The following BRAF variants were observed in gnomAD, a reference collection of about 807,000 sequenced individuals.
BRAF encodes serine/threonine-protein kinase B-raf.
In BRAF, 16 loss-of-function variants were observed where a neutral mutation model predicts 104.6. The ratio of observed to expected loss-of-function variants is 0.15; its 90% CI spans 0.10 to 0.23. The LOEUF (loss-of-function observed/expected upper bound fraction) is 0.23, where lower values mean the gene tolerates loss of function less well. Ranked by LOEUF, BRAF falls within the 10% of genes least tolerant of loss-of-function variation. BRAF has a pLI of 1.00. For synonymous variants in BRAF, 310 were observed against 341.6 expected, an observed-to-expected ratio of 0.91 and a Z score of 1.02; for missense variants, 541 against 937.3, an observed-to-expected ratio of 0.58 and a Z score of 5.52.
chr7:140,723,837 A>C lies in BRAF; in HGVS notation c.*2657T>G. On this transcript the variant is annotated 3_prime_UTR_variant, in exon 20 of 20. Coordinates refer to ENST00000644969, the MANE Select transcript of BRAF (RefSeq NM_001374258.1). ...AATTACTCATAAAGTGCTTTTCACA[A>C]ATAAGGACTTCTTCCTCGTTTTTTT... 9.6e-7 allele frequency: 1 copy of C among 1,046,376 alleles called. No individual in the cohort carries two copies. Among genetic ancestry groups the C allele is most frequent in the Non-Finnish European group, 1.2e-6 (1 of 867,370 alleles). 64.8% of individuals were successfully genotyped at this position (1,046,376 alleles called of 1,614,324 possible).
chr7:140,852,598 A>G (rs1481735723), intron 1 of BRAF, among the ~76,000 whole-genome samples: 1 of 152,046 alleles, frequency 6.6e-6, no homozygotes, highest in African/African-American at 2.4e-5. Flanking sequence ...CATATCTCCA[A>G]AAAGTGTCAG....
intron 14 of BRAF, among the ~76,000 whole-genome samples, chr7:140,759,029 T>C (rs1798441785): frequency 6.6e-6 from 1 of 152,256 alleles, no homozygotes; most frequent in South Asian, 2.1e-4. Flanking sequence ...ATCACCTGGC[T>C]TCTTTTGCGC....
At chr7:140,871,374 T>C (rs1029634772) in intron 1 of BRAF, among the ~76,000 whole-genome samples, 1 of 151,884 alleles carries the variant, frequency 6.6e-6, no homozygotes, top group Admixed American at 6.6e-5. Flanking sequence ...GACAGAATTA[T>C]AGTAAATTCT....
At chr7:140,901,668 C>T (rs1180674468) in intron 1 of BRAF, among the ~76,000 whole-genome samples, 1 of 152,192 alleles carries the variant, frequency 6.6e-6, no homozygotes, top group Non-Finnish European at 1.5e-5. Context: ...GGTGGTCTGT[C>T]TCTAAATAAG....
chr7:140,829,572 C>G (rs1363779876), intron 3 of BRAF, among the ~76,000 whole-genome samples: 1 of 151,992 alleles, frequency 6.6e-6, no homozygotes, highest in African/African-American at 2.4e-5. Flanking sequence ...TTTTCAGTCC[C>G]TAGATACCCA....
At chr7:140,901,771 C>G (rs1815665376) in intron 1 of BRAF, among the ~76,000 whole-genome samples, 2 of 152,164 alleles carry the variant, frequency 1.3e-5, no homozygotes, top group Non-Finnish European at 2.9e-5. Context: ...TGTCTTCCAT[C>G]CCCTAAAAGC....
Position 140,739,830 on chromosome 7 carries a change from C to A in BRAF, c.2229G>T (p.Glu743Asp). 6.2e-7 allele frequency: 1 copy of A among 1,611,886 alleles called. No individual in the cohort carries two copies. The highest frequency in any genetic ancestry group is 8.5e-7 in the Non-Finnish European group (1 of 1,179,776). Residue 743 changes from glutamate (E) to aspartate (D), a missense_variant, in exon 18 of 20, where the codon GAG becomes GAT. This residue lies in a region of BRAF where 129 missense variants were observed against 285.8 expected (regional missense o/e 0.45). Coordinates refer to ENST00000644969, the MANE Select transcript of BRAF (RefSeq NM_001374258.1). ...MAECLKKKRD[E>D]RPLFPQILAS... ...TACTTACTTGGGGAAAGAGTGGTCT[C>A]TCATCTCTTTTCTTTTTGAGGCACT...
chr7:140,877,258 T>G (rs1329546877), intron 1 of BRAF, among the ~76,000 whole-genome samples: 1 of 142,788 alleles, frequency 7.0e-6, no homozygotes, highest in Non-Finnish European at 1.5e-5. Flanking sequence ...TCATTAAGCT[T>G]GTGCCATTAT....
chr7:140,839,522 G>T (rs537731310), intron 2 of BRAF, among the ~76,000 whole-genome samples: 5 of 152,032 alleles, frequency 3.3e-5, no homozygotes, highest in Admixed American at 6.6e-5. Flanking sequence ...TTGAGCCCAG[G>T]AGTTTGAGGC....
chr7:140,882,700 G>A (rs910485427), intron 1 of BRAF, among the ~76,000 whole-genome samples: 1 of 148,700 alleles, frequency 6.7e-6, no homozygotes, highest in Admixed American at 6.7e-5. Context: ...CTTAAAAAAG[G>A]ACCTATCTTT....
chr7:140,764,357 A>C (rs1586068266), intron 14 of BRAF, among the ~76,000 whole-genome samples: 1 of 151,032 alleles, frequency 6.6e-6, no homozygotes, highest in South Asian at 2.1e-4. Flanking sequence ...AATGGGCAAA[A>C]ACTGGAAGCA....
chr7:140,834,562 G>A (rs763612198), intron 3 of BRAF, 47 bp downstream of exon 3: 1 of 1,608,734 alleles, frequency 6.2e-7, no homozygotes, highest in Non-Finnish European at 8.5e-7. Flanking sequence ...TGATCTGTCT[G>A]AAAAATACAA....
At chr7:140,778,612 G>T (rs926618731) in intron 12 of BRAF, among the ~76,000 whole-genome samples, 25 of 151,698 alleles carry the variant, frequency 1.6e-4, no homozygotes, top group African/African-American at 6.1e-4. Context: ...GTGAGTTAAT[G>T]GGTGCAGCAC....
chr7:140,786,853 C>A (rs1376543756), intron 9 of BRAF, among the ~76,000 whole-genome samples: 2 of 152,088 alleles, frequency 1.3e-5, no homozygotes. Context: ...CAATAGCTTT[C>A]AAGATGGTTA....
Position 140,794,320 on chromosome 7 carries a change from A to G in BRAF, c.1128T>C (p.Pro376=). 1 of 1,614,008 alleles carries G rather than the reference A, an allele frequency of 6.2e-7. No individual in the cohort carries two copies. The highest frequency in any genetic ancestry group is 8.5e-7 in the Non-Finnish European group (1 of 1,179,986). ...GCTGGATACTTACATCAATATTGAC[A>G]GGTTCTATTGTGTTTATATGCACAT... The part of the protein sequence containing the change: ...APNVHINTIE[P]VNIDDLIRDQ... The change falls in exon 8 of 20, where the codon CCT becomes CCC. Residue 376 remains proline, a synonymous_variant. Coordinates refer to ENST00000644969, the MANE Select transcript of BRAF (RefSeq NM_001374258.1).
intron 3 of BRAF, among the ~76,000 whole-genome samples, chr7:140,814,155 A>G (rs1804576235): frequency 6.6e-6 from 1 of 152,206 alleles, no homozygotes; most frequent in Non-Finnish European, 1.5e-5. Context: ...TGTCAGAGCA[A>G]TAATTTTTCT....
intron 14 of BRAF, among the ~76,000 whole-genome samples, chr7:140,766,227 G>C (rs1452844938): frequency 6.6e-6 from 1 of 151,964 alleles, no homozygotes; most frequent in African/African-American, 2.4e-5. Flanking sequence ...ACTCATAGAT[G>C]GGAATTGAAC....
chr7:140,717,024 C>A (rs1247257216), downstream of BRAF, among the ~76,000 whole-genome samples: 3 of 152,162 alleles, frequency 2.0e-5, no homozygotes, highest in Non-Finnish European at 4.4e-5. Flanking sequence ...AGTGTCTTCC[C>A]AGATTGGTGA....
chr7:140,869,975 C>T (rs111723524), intron 1 of BRAF, among the ~76,000 whole-genome samples: 248 of 125,378 alleles, frequency 2.0e-3, no homozygotes, highest in African/African-American at 0.011. Flanking sequence ...CAGGGTCAAC[C>T]AAAAAAAGGA....
Sources: gnomAD v4.1 joint callset for allele counts (sites outside exome capture counted in the v4.1 genomes callset) on GRCh38, gnomAD v4.1.1 for gene constraint, gnomAD v4.1.1 regional missense constraint, MANE v1.5 for transcripts, NCBI Gene and HGNC (gene_info 2026-07-23, HGNC 2026-07-21) for gene names.